BRINP2: variants seen among roughly 807,000 people sequenced by gnomAD.
The protein encoded by BRINP2 is BMP/retinoic acid inducible neural specific 2.
BRINP2 carries 21 observed loss-of-function variants against 69.2 expected under a neutral mutation model. That is an observed-to-expected ratio of 0.30 (90% CI 0.22 to 0.44). The LOEUF (loss-of-function observed/expected upper bound fraction) is 0.44. BRINP2 is among the 20% of genes least tolerant of loss of function. The pLI is 1.00. For missense variants in BRINP2, 877 were observed against 986.0 expected (o/e 0.89, Z 1.48); for synonymous variants, 380 against 394.1 (o/e 0.96, Z 0.42).
chr1:177,233,980 CTTGTAAA>C (rs576244214), intron 2 of BRINP2, among the ~76,000 whole-genome samples: 63 of 152,322 alleles, frequency 4.1e-4, no homozygotes, highest in Admixed American at 4.1e-3. Flanking sequence ...TTTTGACAAT[CTTGTAAA>C]TTGAACATTG....
intron 1 of BRINP2, among the ~76,000 whole-genome samples, chr1:177,193,677 A>C (rs1411762465): frequency 6.6e-6 from 1 of 152,228 alleles, no homozygotes; most frequent in Non-Finnish European, 1.5e-5. Context: ...AGCGTTCCTC[A>C]GGTAGAATTT....
chr1:177,218,890 C>G lies in BRINP2; in HGVS notation c.-76-10911C>G, dbSNP rs1055717131. Among the ~76,000 whole-genome samples the G allele has an allele frequency of 7.9e-5, 12 of 152,154 alleles. No individual in the cohort carries two copies. In the East Asian group the frequency reaches 2.3e-3, roughly 29 times the overall value. ...TGATGTTTCTCTGGGAGGAGTGAAG[C>G]CTGGGACCCCTTCTTCCACCATCTT... On this transcript the variant is annotated intron_variant, in intron 1 of 7. Coordinates refer to ENST00000361539, the MANE Select transcript of BRINP2 (RefSeq NM_021165.4).
chr1:177,207,509 G>C (rs1358365069), intron 1 of BRINP2, among the ~76,000 whole-genome samples: 1 of 152,188 alleles, frequency 6.6e-6, no homozygotes, highest in Non-Finnish European at 1.5e-5. Flanking sequence ...AGATTTGTCA[G>C]AGGAGTGGGG....
chr1:177,199,684 G>A (rs1185511806), intron 1 of BRINP2, among the ~76,000 whole-genome samples: 1 of 152,166 alleles, frequency 6.6e-6, no homozygotes, highest in Non-Finnish European at 1.5e-5. Flanking sequence ...TATTTAGGTT[G>A]AGAAATTTGA....
In BRINP2 at chr1:177,191,133, C is replaced by A. The variant is rs55863921; in HGVS notation, c.-77+19401C>A. Among the ~76,000 whole-genome samples, 754 of 152,298 alleles carry A rather than the reference C, an allele frequency of 5.0e-3. 7 individuals are homozygous for A. Among genetic ancestry groups the A allele is most frequent in the African/African-American group, 0.017 (723 of 41,556 alleles). ...TTCTCAACTGCAGAGCACTAGTTTA[C>A]AAATCCAGGATCTCAATGCTAAAAA... On this transcript the variant is annotated intron_variant, in intron 1 of 7. Coordinates refer to ENST00000361539, the MANE Select transcript of BRINP2 (RefSeq NM_021165.4).
intron 4 of BRINP2, 146 bp from the exon 5 acceptor site, chr1:177,273,342 C>A: frequency 2.0e-6 from 1 of 494,344 alleles, no homozygotes. Flanking sequence ...TGACTTTATA[C>A]CTCTGGAGTA....
At chr1:177,242,317 C>G (rs978833664) in intron 2 of BRINP2, among the ~76,000 whole-genome samples, 1 of 152,210 alleles carries the variant, frequency 6.6e-6, no homozygotes, top group Non-Finnish European at 1.5e-5. Flanking sequence ...GCATAAAACT[C>G]ACTTCCAAAT....
At chr1:177,222,087 C>A (rs148456349) in intron 1 of BRINP2, among the ~76,000 whole-genome samples, 1 of 152,164 alleles carries the variant, frequency 6.6e-6, no homozygotes, top group Non-Finnish European at 1.5e-5. Context: ...CCTGGAGAAA[C>A]CTCTAAAAGG....
chr1:177,223,903 C>T (rs55657925), intron 1 of BRINP2, among the ~76,000 whole-genome samples: 11,290 of 152,072 alleles, frequency 0.074, 447 homozygotes, highest in Non-Finnish European at 0.087. Context: ...CACCCCTGCT[C>T]AGGTTCAAAT....
intron 1 of BRINP2, among the ~76,000 whole-genome samples, chr1:177,224,361 C>T (rs1186123121): frequency 1.3e-5 from 2 of 152,192 alleles, no homozygotes; most frequent in Non-Finnish European, 2.9e-5. Flanking sequence ...TACCCTGCTT[C>T]TTTTATGTTT....
At chr1:177,183,333 T>G (rs1393339745) in intron 1 of BRINP2, among the ~76,000 whole-genome samples, 1 of 152,126 alleles carries the variant, frequency 6.6e-6, no homozygotes, top group Admixed American at 6.5e-5. Flanking sequence ...AATCCATTTT[T>G]ATGCTTAGGA....
At chr1:177,256,833 A>G in intron 3 of BRINP2, 1 of 1,162,912 alleles carries the variant, frequency 8.6e-7, no homozygotes, top group East Asian at 5.9e-5. Flanking sequence ...AGGGAGCAGA[A>G]AAAGCCACGA....
rs1015586008 is a variant in BRINP2, at chr1:177,171,102, A to C, written c.-707A>C. Among the ~76,000 whole-genome samples the C allele has an allele frequency of 6.6e-6, 1 of 152,206 alleles. No individual in the cohort carries two copies. The highest frequency in any genetic ancestry group is 1.5e-5 in the Non-Finnish European group (1 of 68,028). On this transcript the variant is annotated 5_prime_UTR_variant, in exon 1 of 8. Coordinates refer to ENST00000361539, the MANE Select transcript of BRINP2 (RefSeq NM_021165.4). Reference sequence around the variant, plus strand: ...GCTTACGCTGAGCTCGGAGGATCCCATTAGGACTTGCCCGGGGATGTGCAC... The same window carrying C: ...GCTTACGCTGAGCTCGGAGGATCCCCTTAGGACTTGCCCGGGGATGTGCAC...
intron 1 of BRINP2, among the ~76,000 whole-genome samples, chr1:177,192,537 C>T (rs1648622466): frequency 6.6e-6 from 1 of 152,132 alleles, no homozygotes; most frequent in African/African-American, 2.4e-5. Flanking sequence ...TCTGTGCATA[C>T]ATGTTGGTTT....
chr1:177,280,792 G>T lies in BRINP2; in HGVS notation c.1616G>T (p.Gly539Val). The T allele has an allele frequency of 1.2e-6, 2 of 1,614,132 alleles. No individual in the cohort carries two copies. The highest frequency in any genetic ancestry group is 1.7e-6 in the Non-Finnish European group (2 of 1,180,006). The change falls in exon 8 of 8, where the codon GGC (glycine) becomes GTC (valine). Residue 539 changes from glycine to valine, a missense_variant. Physicochemically the swap from Gly to Val is moderately radical, Grantham distance 109. Around this residue, in one of 3 missense-constraint regions of BRINP2, gnomAD observed 86 missense variants for 142.1 expected, o/e 0.61. Coordinates refer to ENST00000361539, the MANE Select transcript of BRINP2 (RefSeq NM_021165.4). ...SIFISNDMRL[G>V]SWFDPSWRKR... The stretch of plus-strand genomic sequence containing the variant: ...TTCATCAGCAATGACATGCGGCTGG[G>T]CAGCTGGTTTGACCCTTCCTGGAGG...
chr1:177,177,402 A>G (rs1648119824), intron 1 of BRINP2, among the ~76,000 whole-genome samples: 1 of 152,244 alleles, frequency 6.6e-6, no homozygotes, highest in African/African-American at 2.4e-5. Flanking sequence ...TTGGAATATT[A>G]TAACTCATTC....
chr1:177,244,429 C>T (rs1055101098), intron 2 of BRINP2, among the ~76,000 whole-genome samples: 34 of 152,284 alleles, frequency 2.2e-4, no homozygotes, highest in African/African-American at 7.7e-4. Flanking sequence ...ACTATTGCTA[C>T]AATGATGCAT....
At chr1:177,174,165 GC>G (rs1648021481) in intron 1 of BRINP2, among the ~76,000 whole-genome samples, 2 of 152,160 alleles carry the variant, frequency 1.3e-5, no homozygotes, top group Admixed American at 1.3e-4. Flanking sequence ...AAGAGGAACT[GC>G]TTTATGCAGG....
chr1:177,251,874 G>T (rs1650594914), intron 2 of BRINP2, among the ~76,000 whole-genome samples: 1 of 152,074 alleles, frequency 6.6e-6, no homozygotes, highest in South Asian at 2.1e-4. Context: ...TATGGAAATT[G>T]TAATAATGTC....
Sources: allele counts gnomAD v4.1 joint callset (sites outside exome capture counted in the v4.1 genomes callset), GRCh38; gene constraint gnomAD v4.1.1; regional missense constraint gnomAD v4.1.1; transcripts MANE v1.5; gene names NCBI Gene and HGNC (gene_info 2026-07-23, HGNC 2026-07-21).